The following ZNF804B variants were observed in gnomAD, a reference collection of about 807,000 sequenced individuals.
ZNF804B encodes the protein zinc finger 804B.
In ZNF804B, 80 loss-of-function variants were observed where a neutral mutation model predicts 101.4. The observed-to-expected ratio is 0.79, with a 90% CI of 0.66 to 0.95. The LOEUF (loss-of-function observed/expected upper bound fraction) is 0.95, where lower values mean the gene tolerates loss of function less well. Ranked by LOEUF, ZNF804B falls within the 40% of genes least tolerant of loss-of-function variation. ZNF804B has a pLI of 0.00. For missense variants in ZNF804B, 1,673 were observed against 1,561.9 expected (o/e 1.07, Z -1.20); for synonymous variants, 622 against 558.8 (o/e 1.11, Z -1.59).
chr7:88,926,494 C>G (rs576568759), intron 1 of ZNF804B, among the ~76,000 whole-genome samples: 15 of 151,110 alleles, frequency 9.9e-5, no homozygotes, highest in Non-Finnish European at 1.5e-4. Flanking sequence ...ACTCAGGAGG[C>G]TGAGGTGGGC....
chr7:88,986,005 A>G (rs1462615003), intron 1 of ZNF804B, among the ~76,000 whole-genome samples: 1 of 152,160 alleles, frequency 6.6e-6, no homozygotes, highest in Non-Finnish European at 1.5e-5. Flanking sequence ...AACTGGAAAC[A>G]TAATTTGCAA....
chr7:89,172,543 G>A (rs1047193255), intron 1 of ZNF804B, among the ~76,000 whole-genome samples: 1 of 152,086 alleles, frequency 6.6e-6, no homozygotes, highest in African/African-American at 2.4e-5. Context: ...TAACTGTACA[G>A]CCACTTTTTC....
chr7:89,229,575 A>T (rs868584913), intron 2 of ZNF804B, among the ~76,000 whole-genome samples: 55 of 152,358 alleles, frequency 3.6e-4, no homozygotes, highest in Middle Eastern at 6.8e-3. Flanking sequence ...GCAAAACCTG[A>T]TAGAAATGCA....
chr7:89,031,393 C>T (rs752730465), intron 1 of ZNF804B, among the ~76,000 whole-genome samples: 13 of 151,900 alleles, frequency 8.6e-5, no homozygotes, highest in Non-Finnish European at 1.3e-4. Context: ...TTTCTTTGTA[C>T]AACTGCCTTC....
chr7:88,920,405 A>G (rs921105833), intron 1 of ZNF804B, among the ~76,000 whole-genome samples: 3 of 152,222 alleles, frequency 2.0e-5, no homozygotes, highest in African/African-American at 7.2e-5. Context: ...GTACAAATAC[A>G]TGTAAAGTAG....
chr7:89,153,429 G>GATGATGATA (rs1468701346), intron 1 of ZNF804B, among the ~76,000 whole-genome samples: 1 of 145,530 alleles, frequency 6.9e-6, no homozygotes, highest in Non-Finnish European at 1.5e-5. Flanking sequence ...TGATGATGAT[G>GATGATGATA]ATAATAATAA....
chr7:88,938,654 C>A (rs185381069), intron 1 of ZNF804B, among the ~76,000 whole-genome samples: 1 of 152,030 alleles, frequency 6.6e-6, no homozygotes, highest in Non-Finnish European at 1.5e-5. Context: ...TATATACTGG[C>A]TTTCTAAAAA....
intron 1 of ZNF804B, among the ~76,000 whole-genome samples, chr7:89,208,535 A>C (rs999567086): frequency 6.6e-6 from 1 of 152,240 alleles, no homozygotes; most frequent in East Asian, 1.9e-4. Context: ...TTAAGCGATT[A>C]AGCAATAAAG....
At chr7:88,946,881 G>A (rs1227109225) in intron 1 of ZNF804B, among the ~76,000 whole-genome samples, 2 of 151,822 alleles carry the variant, frequency 1.3e-5, no homozygotes, top group African/African-American at 4.8e-5. Context: ...CTCAAAAGAA[G>A]ACATTTATGT....
chr7:88,829,319 T>C (rs960295537), intron 1 of ZNF804B, among the ~76,000 whole-genome samples: 1 of 152,070 alleles, frequency 6.6e-6, no homozygotes, highest in Non-Finnish European at 1.5e-5. Context: ...AGGCCATAGT[T>C]CTGGATTAAT....
At position 89,327,374 on chromosome 7, in the gene ZNF804B, G is replaced by A. The variant is rs1790911556; in HGVS notation, c.280G>A (p.Ala94Thr). ...GAAAGAATTAAAGCAACGGGAATTTGCTCGAAATGTAGCTTCTAAGTCATG... is the reference window on the plus strand; with the variant it reads ...GAAAGAATTAAAGCAACGGGAATTTACTCGAAATGTAGCTTCTAAGTCATG... ...RLKELKQREF[A>T]RNVASKSWKD... Residue 94 changes from alanine (A) to threonine (T), a missense_variant, in exon 3 of 4, where the codon GCT becomes ACT. Coordinates refer to ENST00000333190, the MANE Select transcript of ZNF804B (RefSeq NM_181646.5). 1 of 1,607,662 alleles carries A rather than the reference G, an allele frequency of 6.2e-7. No homozygotes were observed. The highest frequency in any genetic ancestry group is 8.5e-7 in the Non-Finnish European group (1 of 1,177,412).
At chr7:88,955,785 CAGGAAACAATCAACAGAGTG>C (rs1793297084) in intron 1 of ZNF804B, among the ~76,000 whole-genome samples, 1 of 151,304 alleles carries the variant, frequency 6.6e-6, no homozygotes, top group Non-Finnish European at 1.5e-5. Context: ...CTGCACAGCA[CAGGAAACAATCAACAGAGTG>C]AAAAGACAAC....
chr7:89,250,631 C>A (rs1657376551), intron 2 of ZNF804B, among the ~76,000 whole-genome samples: 1 of 152,082 alleles, frequency 6.6e-6, no homozygotes, highest in African/African-American at 2.4e-5. Flanking sequence ...GGCAAAGACA[C>A]AGCAAGAAAA....
chr7:88,964,309 C>T (rs1253785905), intron 1 of ZNF804B, among the ~76,000 whole-genome samples: 1 of 151,402 alleles, frequency 6.6e-6, no homozygotes, highest in Non-Finnish European at 1.5e-5. Context: ...AGTGAATAAA[C>T]AAAATGTGGT....
intron 1 of ZNF804B, among the ~76,000 whole-genome samples, chr7:89,027,098 C>T (rs1446472566): frequency 6.6e-6 from 1 of 151,906 alleles, no homozygotes; most frequent in Non-Finnish European, 1.5e-5. Flanking sequence ...TTATAAAAAA[C>T]CCATGAGAGA....
At chr7:88,994,818 A>G (rs1017386932) in intron 1 of ZNF804B, among the ~76,000 whole-genome samples, 2 of 152,004 alleles carry the variant, frequency 1.3e-5, no homozygotes, top group African/African-American at 4.8e-5. Context: ...TAATTGGGTC[A>G]TGTATGAGAA....
chr7:88,857,822 CTTTTTTTTTTTT>C (rs55841922), intron 1 of ZNF804B, among the ~76,000 whole-genome samples: 26 of 81,474 alleles, frequency 3.2e-4, no homozygotes, highest in South Asian at 1.0e-3. Context: ...CCTTTCTTTT[CTTTTTTTTTTTT>C]TTTTTTTTTT....
At chr7:88,994,960 T>TA (rs2116160500) in intron 1 of ZNF804B, among the ~76,000 whole-genome samples, 1 of 152,208 alleles carries the variant, frequency 6.6e-6, no homozygotes, top group East Asian at 1.9e-4. Flanking sequence ...AACACACACA[T>TA]AAGAAACATC....
At chr7:88,897,264 G>A (rs566966780) in intron 1 of ZNF804B, among the ~76,000 whole-genome samples, 32 of 152,298 alleles carry the variant, frequency 2.1e-4, no homozygotes, top group Non-Finnish European at 2.9e-5. Context: ...GTTCTTGTAA[G>A]AGGGATGCAG....
Sources: allele counts gnomAD v4.1 joint callset (sites outside exome capture counted in the v4.1 genomes callset), GRCh38; gene constraint gnomAD v4.1.1; transcripts MANE v1.5; gene names NCBI Gene and HGNC (gene_info 2026-07-23, HGNC 2026-07-21).